The following FBXL7 variants were observed in gnomAD, a reference collection of about 807,000 sequenced individuals.
FBXL7 encodes F-box and leucine rich repeat protein 7.
In FBXL7, 12 loss-of-function variants were observed where a neutral mutation model predicts 38.3. That is an observed-to-expected ratio of 0.31 (90% CI 0.20 to 0.51). The LOEUF (loss-of-function observed/expected upper bound fraction) is 0.51. FBXL7 is among the 20% of genes least tolerant of loss of function. The pLI is 0.98. For synonymous variants in FBXL7, 297 were observed against 300.9 expected (o/e 0.99, Z 0.13); for missense variants, 567 against 676.4 (o/e 0.84, Z 1.79).
chr5:15,873,352 A>G (rs922975690), intron 2 of FBXL7, among the ~76,000 whole-genome samples: 1 of 152,176 alleles, frequency 6.6e-6, no homozygotes, highest in African/African-American at 2.4e-5. Context: ...AATTAAAAGA[A>G]CTAGAGAAGC....
intron 2 of FBXL7, among the ~76,000 whole-genome samples, chr5:15,740,905 A>G (rs1735878559): frequency 6.6e-6 from 1 of 152,214 alleles, no homozygotes; most frequent in East Asian, 1.9e-4. Context: ...AGAGAAGAAC[A>G]CAATCAATTT....
chr5:15,702,114 T>C (rs1579390263), intron 2 of FBXL7, among the ~76,000 whole-genome samples: 1 of 152,038 alleles, frequency 6.6e-6, no homozygotes, highest in East Asian at 1.9e-4. Flanking sequence ...GGCCGGTTCC[T>C]GTAATCCCAG....
intron 2 of FBXL7, among the ~76,000 whole-genome samples, chr5:15,680,551 A>G (rs1164396719): frequency 6.6e-6 from 1 of 152,178 alleles, no homozygotes; most frequent in Non-Finnish European, 1.5e-5. Context: ...GGATGTCAGT[A>G]GGCTATTAAT....
At chr5:15,563,480 G>A (rs768257672) in intron 1 of FBXL7, among the ~76,000 whole-genome samples, 12 of 152,090 alleles carry the variant, frequency 7.9e-5, no homozygotes, top group East Asian at 5.8e-4. Flanking sequence ...CTGCTAAAGC[G>A]TCTTTCACAG....
chr5:15,613,690 G>C (rs1186939449), intron 1 of FBXL7, among the ~76,000 whole-genome samples: 1 of 152,068 alleles, frequency 6.6e-6, no homozygotes, highest in Non-Finnish European at 1.5e-5. Flanking sequence ...TTCATCATAA[G>C]GAAACAAAAC....
rs559305174 is a variant in FBXL7 at position 15,936,712 on chromosome 5, C to T, written c.1002C>T (p.Cys334=). Residue 334 remains cysteine (C), a synonymous_variant, in exon 4 of 4, where the codon TGC becomes TGT. Coordinates refer to ENST00000504595, the MANE Select transcript of FBXL7 (RefSeq NM_012304.5). The surrounding 1 kb of genome is among the most constrained non-coding windows in gnomAD (Gnocchi z 6.0). The part of the protein sequence containing the change: ...ASIKELSVSD[C]RFVSDFGLRE... Reference sequence around the variant, plus strand: ...TCAAGGAGCTGAGCGTCAGCGACTGCCGCTTCGTCAGCGACTTCGGCCTGC... The same window carrying T: ...TCAAGGAGCTGAGCGTCAGCGACTGTCGCTTCGTCAGCGACTTCGGCCTGC... The T allele has an allele frequency of 3.7e-5, 59 of 1,608,234 alleles. 1 individual carries two copies. The Admixed American group carries it at 7.3e-4, about 20-fold the overall frequency.
chr5:15,863,437 T>C (rs547186941), intron 2 of FBXL7, among the ~76,000 whole-genome samples: 79 of 152,314 alleles, frequency 5.2e-4, no homozygotes, highest in African/African-American at 1.9e-3. Context: ...ATTTGACAGG[T>C]ACCAGTCTGA....
chr5:15,931,542 G>T (rs1486501483), intron 3 of FBXL7, among the ~76,000 whole-genome samples: 1 of 152,134 alleles, frequency 6.6e-6, no homozygotes, highest in Non-Finnish European at 1.5e-5. Context: ...CAGAGGAATT[G>T]TTTCAAACTA....
At chr5:15,692,968 G>A (rs1743226146) in intron 2 of FBXL7, among the ~76,000 whole-genome samples, 1 of 152,128 alleles carries the variant, frequency 6.6e-6, no homozygotes, top group Non-Finnish European at 1.5e-5. Context: ...ATTGGGCCCT[G>A]AGCCTCTGAA....
intron 2 of FBXL7, among the ~76,000 whole-genome samples, chr5:15,627,731 G>A (rs76809045): frequency 0.088 from 13,381 of 152,100 alleles, 652 homozygotes; most frequent in South Asian, 0.13. Context: ...AGAGGAACTT[G>A]GGGACCAACA....
intron 2 of FBXL7, among the ~76,000 whole-genome samples, chr5:15,722,921 C>CAAAAAAAAA (rs752341974): frequency 0.011 from 640 of 60,468 alleles, 1 homozygote; most frequent in Non-Finnish European, 0.02. Flanking sequence ...GACTCCGTCT[C>CAAAAAAAAA]AAAAAAAACA....
chr5:15,605,986 A>G (rs910877407), intron 1 of FBXL7, among the ~76,000 whole-genome samples: 2 of 152,210 alleles, frequency 1.3e-5, no homozygotes, highest in African/African-American at 4.8e-5. Context: ...ATATCTGATT[A>G]TCACATAATA....
At chr5:15,649,620 T>A (rs1741641481) in intron 2 of FBXL7, among the ~76,000 whole-genome samples, 1 of 152,148 alleles carries the variant, frequency 6.6e-6, no homozygotes, top group Non-Finnish European at 1.5e-5. Context: ...TGGTATGCCA[T>A]CATAGCTGAT....
intron 2 of FBXL7, among the ~76,000 whole-genome samples, chr5:15,738,040 C>T (rs1579421844): frequency 6.6e-6 from 1 of 152,276 alleles, no homozygotes; most frequent in East Asian, 1.9e-4. Flanking sequence ...TGGAAATCTG[C>T]TCCCAGGACT....
At chr5:15,821,493 C>T (rs1306526285) in intron 2 of FBXL7, among the ~76,000 whole-genome samples, 1 of 152,192 alleles carries the variant, frequency 6.6e-6, no homozygotes, top group African/African-American at 2.4e-5. Context: ...TGCTGAATGG[C>T]AGTTGGATGT....
At chr5:15,665,387 T>G (rs1190641340) in intron 2 of FBXL7, among the ~76,000 whole-genome samples, 1 of 152,196 alleles carries the variant, frequency 6.6e-6, no homozygotes, top group Non-Finnish European at 1.5e-5. Context: ...TCTACCTATC[T>G]ATACGGTGGC....
chr5:15,636,867 A>C (rs552314259), intron 2 of FBXL7, among the ~76,000 whole-genome samples: 249 of 152,322 alleles, frequency 1.6e-3, no homozygotes, highest in African/African-American at 5.7e-3. Context: ...ATACAGTAAA[A>C]TGATCTGATA....
intron 1 of FBXL7, among the ~76,000 whole-genome samples, chr5:15,565,963 C>G (rs1198024673): frequency 1.3e-5 from 2 of 152,036 alleles, no homozygotes; most frequent in Non-Finnish European, 2.9e-5. Context: ...TAATGTCTGA[C>G]CAAACCTCAG....
intron 2 of FBXL7, among the ~76,000 whole-genome samples, chr5:15,798,464 A>T (rs1737473422): frequency 6.6e-6 from 1 of 152,246 alleles, no homozygotes; most frequent in African/African-American, 2.4e-5. Flanking sequence ...AAGAATTAAC[A>T]TTTTTAAAAT....
Sources: gnomAD v4.1 joint callset for allele counts (sites outside exome capture counted in the v4.1 genomes callset) on GRCh38, gnomAD v4.1.1 for gene constraint, Gnocchi (gnomAD v3.1) non-coding constraint, MANE v1.5 for transcripts, NCBI Gene and HGNC (gene_info 2026-07-23, HGNC 2026-07-21) for gene names.